CREB5: variants seen among roughly 807,000 people sequenced by gnomAD.
CREB5 encodes the protein cAMP responsive element binding protein 5.
In CREB5, 19 loss-of-function variants were observed where a neutral mutation model predicts 57.1. The observed-to-expected ratio is 0.33, with a 90% CI of 0.23 to 0.49. CREB5 has a LOEUF of 0.49. Ranked by LOEUF, CREB5 falls within the 20% of genes least tolerant of loss-of-function variation. The pLI, the probability that CREB5 is intolerant of heterozygous loss-of-function variation, is 0.99. For missense variants in CREB5, 579 were observed against 671.6 expected (o/e 0.86, Z 1.52); for synonymous variants, 238 against 238.3 (o/e 1.00, Z 0.01).
intron 1 of CREB5, among the ~76,000 whole-genome samples, chr7:28,425,588 A>T (rs971582585): frequency 2.0e-5 from 3 of 152,214 alleles, no homozygotes; most frequent in African/African-American, 7.2e-5. Flanking sequence ...ATTGTATGGT[A>T]TGTGAATTAG....
intron 1 of CREB5, among the ~76,000 whole-genome samples, chr7:28,394,905 C>T (rs1787306433): frequency 1.3e-5 from 2 of 152,120 alleles, no homozygotes; most frequent in Non-Finnish European, 2.9e-5. Flanking sequence ...TGCTTTGCCA[C>T]ACCTTTTGCT....
At chr7:28,370,541 A>G (rs1399730349) in intron 1 of CREB5, among the ~76,000 whole-genome samples, 2 of 152,338 alleles carry the variant, frequency 1.3e-5, no homozygotes, top group African/African-American at 4.8e-5. Flanking sequence ...AGAAATAGGG[A>G]AAATTGTGTT....
At position 28,499,176 on chromosome 7, in the gene CREB5, G is replaced by GAAA. The variant is rs34378552; in HGVS notation, c.169+4193_169+4195dup. 2.3e-3 allele frequency among the ~76,000 whole-genome samples: 291 copies of GAAA among 126,178 alleles called. 4 individuals are homozygous for GAAA. The highest frequency in any genetic ancestry group is 6.1e-3 in the South Asian group (22 of 3,626). The allele number at this position is 126,178 out of a possible 152,430, so 82.8% of individuals were successfully genotyped here. Reference sequence around the variant, plus strand: ...TATAGGGTTCCTGGGTTCTGTGCAGGAAAAAAAAAAAAAAAAAAGACCCAG... The same window carrying GAAA: ...TATAGGGTTCCTGGGTTCTGTGCAGGAAAAAAAAAAAAAAAAAAAAAGACCCAG... On this transcript the variant is annotated intron_variant, in intron 3 of 10. Coordinates refer to ENST00000357727, the MANE Select transcript of CREB5 (RefSeq NM_182898.4).
rs139594581 is a variant in CREB5 at position 28,795,656 on chromosome 7, G to A, written c.703-8543G>A. 3.3e-3 allele frequency among the ~76,000 whole-genome samples: 500 copies of A among 152,194 alleles called. 5 individuals carry two copies. Among genetic ancestry groups the A allele is most frequent in the African/African-American group, 0.01 (434 of 41,516 alleles). ...GAAGTCAAGAGTTCTCTATCAGCCC[G>A]CTGTCAGAAGAAAAGACATTCTTCT... is the stretch of plus-strand genomic sequence containing the variant. On this transcript the variant is annotated intron_variant, in intron 7 of 10. Coordinates refer to ENST00000357727, the MANE Select transcript of CREB5 (RefSeq NM_182898.4).
At chr7:28,351,877 A>G (rs1786194386) in intron 1 of CREB5, among the ~76,000 whole-genome samples, 2 of 152,218 alleles carry the variant, frequency 1.3e-5, no homozygotes, top group South Asian at 4.1e-4. Flanking sequence ...AGGGATAGTG[A>G]TGAGTGAAAG....
chr7:28,370,869 G>A (rs1786693054), intron 1 of CREB5, among the ~76,000 whole-genome samples: 1 of 152,180 alleles, frequency 6.6e-6, no homozygotes, highest in South Asian at 2.1e-4. Flanking sequence ...TCAGAAAAAT[G>A]AGCACATTTC....
intron 5 of CREB5, among the ~76,000 whole-genome samples, chr7:28,707,428 A>G (rs1314719036): frequency 6.6e-6 from 1 of 152,206 alleles, no homozygotes; most frequent in Non-Finnish European, 1.5e-5. Context: ...CTAAGATCAC[A>G]CACTCCTGGT....
chr7:28,418,773 T>C lies in CREB5; in HGVS notation c.3+5856T>C, dbSNP rs557634236. On this transcript the variant is annotated intron_variant, in intron 1 of 10. Transcript: ENST00000357727. ...AGATTGCCAAGGCTAGGCATCCTGCTCATTGATTAGATGGGTGGTCGGTAT... is the reference window on the plus strand; with the variant it reads ...AGATTGCCAAGGCTAGGCATCCTGCCCATTGATTAGATGGGTGGTCGGTAT... Among the ~76,000 whole-genome samples, 3 of 152,356 alleles carry C rather than the reference T, an allele frequency of 2.0e-5. No individual in the cohort carries two copies. In the East Asian group the frequency reaches 5.8e-4, roughly 29 times the overall value.
chr7:28,500,665 A>G (rs1232988887), intron 3 of CREB5, among the ~76,000 whole-genome samples: 1 of 152,186 alleles, frequency 6.6e-6, no homozygotes, highest in East Asian at 1.9e-4. Context: ...TGATCATCCA[A>G]TCACAGAACT....
intron 7 of CREB5, among the ~76,000 whole-genome samples, chr7:28,725,502 A>G (rs1407430122): frequency 1.3e-5 from 2 of 152,250 alleles, no homozygotes; most frequent in African/African-American, 2.4e-5. Flanking sequence ...CAGCATTTGC[A>G]GCAAAGCTCG....
intron 4 of CREB5, among the ~76,000 whole-genome samples, chr7:28,517,644 G>C (rs143195622): frequency 6.6e-6 from 1 of 152,182 alleles, no homozygotes; most frequent in Admixed American, 6.5e-5. Context: ...CTTACAAGCC[G>C]GTTGGGTTGG....
At chr7:28,805,619 C>T (rs905208767) in intron 8 of CREB5, among the ~76,000 whole-genome samples, 19 of 152,202 alleles carry the variant, frequency 1.2e-4, no homozygotes. Flanking sequence ...ATGGGTCAGG[C>T]ACAAGCAACT....
intron 7 of CREB5, among the ~76,000 whole-genome samples, chr7:28,784,583 T>C (rs1442077070): frequency 1.3e-5 from 2 of 152,082 alleles, no homozygotes; most frequent in African/African-American, 4.8e-5. Flanking sequence ...GCTGCCCTGA[T>C]GATGGATCCT....
chr7:28,603,599 T>C (rs1393746147), intron 5 of CREB5, among the ~76,000 whole-genome samples: 1 of 152,024 alleles, frequency 6.6e-6, no homozygotes, highest in African/African-American at 2.4e-5. Context: ...TCAAAGGAGG[T>C]CTTTGTTGAC....
intron 9 of CREB5, among the ~76,000 whole-genome samples, chr7:28,817,843 G>C (rs1449642441): frequency 1.3e-5 from 2 of 152,142 alleles, no homozygotes; most frequent in African/African-American, 2.4e-5. Context: ...CTTTTAATAA[G>C]GTTCAGCTCT....
chr7:28,520,260 C>A (rs774549342), intron 4 of CREB5, among the ~76,000 whole-genome samples: 23 of 152,218 alleles, frequency 1.5e-4, no homozygotes, highest in Non-Finnish European at 2.9e-4. Context: ...TGCTCACACA[C>A]TTATGCCAAC....
intron 1 of CREB5, among the ~76,000 whole-genome samples, chr7:28,355,383 C>T (rs2127991227): frequency 6.6e-6 from 1 of 152,216 alleles, no homozygotes; most frequent in Admixed American, 6.5e-5. Flanking sequence ...TCATCTGAGA[C>T]ACCCGCAGTC....
chr7:28,782,300 G>A (rs1180677217), intron 7 of CREB5, among the ~76,000 whole-genome samples: 3 of 151,978 alleles, frequency 2.0e-5, no homozygotes, highest in Admixed American at 6.6e-5. Flanking sequence ...TATTATATTG[G>A]CCTTGCAATC....
intron 5 of CREB5, among the ~76,000 whole-genome samples, chr7:28,591,300 C>G (rs139804677): frequency 1.3e-5 from 2 of 152,184 alleles, no homozygotes; most frequent in African/African-American, 2.4e-5. Flanking sequence ...TTCAAGCAGT[C>G]GGGCTGAGAG....
Sources: gnomAD v4.1 joint callset for allele counts (sites outside exome capture counted in the v4.1 genomes callset) on GRCh38, gnomAD v4.1.1 for gene constraint, MANE v1.5 for transcripts, NCBI Gene and HGNC (gene_info 2026-07-23, HGNC 2026-07-21) for gene names.